The following CDH12 variants were observed in gnomAD, a reference collection of about 807,000 sequenced individuals.
CDH12 encodes the protein cadherin 12.
Under a neutral mutation model 74.1 loss-of-function variants are expected in CDH12, and 41 were observed. The observed-to-expected ratio is 0.55, with a 90% CI of 0.43 to 0.72. CDH12 has a LOEUF of 0.72. Among genes scored for constraint, CDH12 ranks in the 30% least tolerant of loss-of-function variants. The pLI, the probability that CDH12 is intolerant of heterozygous loss-of-function variation, is 0.00. For missense variants in CDH12, 945 were observed against 977.2 expected (o/e 0.97, Z 0.44); for synonymous variants, 399 against 355.0 (o/e 1.12, Z -1.39).
chr5:21,887,206 T>C (rs181012709), intron 6 of CDH12, among the ~76,000 whole-genome samples: 1 of 152,200 alleles, frequency 6.6e-6, no homozygotes, highest in South Asian at 2.1e-4. Context: ...TCCCTGATGA[T>C]AATTCTTTGA....
intron 2 of CDH12, among the ~76,000 whole-genome samples, chr5:22,415,083 G>A (rs934310937): frequency 6.6e-6 from 1 of 152,018 alleles, no homozygotes; most frequent in African/African-American, 2.4e-5. Flanking sequence ...TTGCAGATTA[G>A]CATGAAAGCA....
intron 6 of CDH12, among the ~76,000 whole-genome samples, chr5:21,889,080 G>A (rs1286748034): frequency 6.6e-6 from 1 of 151,882 alleles, no homozygotes; most frequent in African/African-American, 2.4e-5. Context: ...TATATTTTAG[G>A]TGCTATTCAT....
chr5:21,977,581 A>G (rs1175718991), intron 5 of CDH12, among the ~76,000 whole-genome samples: 1 of 152,154 alleles, frequency 6.6e-6, no homozygotes, highest in Non-Finnish European at 1.5e-5. Flanking sequence ...TTTTAAAAAG[A>G]AAAAAGAAAA....
intron 1 of CDH12, among the ~76,000 whole-genome samples, chr5:22,516,389 T>G (rs1187750071): frequency 6.6e-6 from 1 of 152,210 alleles, no homozygotes; most frequent in Non-Finnish European, 1.5e-5. Flanking sequence ...AATAAAATTA[T>G]GAAAACATAA....
intron 4 of CDH12, among the ~76,000 whole-genome samples, chr5:22,097,591 C>T (rs1159840070): frequency 6.6e-6 from 1 of 152,052 alleles, no homozygotes; most frequent in African/African-American, 2.4e-5. Context: ...GCCCAGTTCC[C>T]TTATTAGGCT....
chr5:22,349,371 A>T (rs967295639), intron 3 of CDH12, among the ~76,000 whole-genome samples: 5 of 152,104 alleles, frequency 3.3e-5, no homozygotes, highest in Admixed American at 6.5e-5. Context: ...TTATACCTAA[A>T]TTTTTATCAA....
intron 3 of CDH12, among the ~76,000 whole-genome samples, chr5:22,297,066 G>A (rs1737660181): frequency 6.6e-6 from 1 of 152,084 alleles, no homozygotes; most frequent in South Asian, 2.1e-4. Context: ...TTGTTGCCCA[G>A]GCTGGAGTGC....
intron 4 of CDH12, among the ~76,000 whole-genome samples, chr5:22,119,749 A>T (rs1170668492): frequency 6.6e-6 from 1 of 152,122 alleles, no homozygotes; most frequent in Non-Finnish European, 1.5e-5. Context: ...ATTCACACAA[A>T]GTAGTGTCAT....
At chr5:21,939,806 T>C (rs1441524418) in intron 6 of CDH12, among the ~76,000 whole-genome samples, 1 of 152,212 alleles carries the variant, frequency 6.6e-6, no homozygotes, top group Non-Finnish European at 1.5e-5. Flanking sequence ...TCTTTGGACA[T>C]GCTTTGGCAG....
chr5:22,622,681 T>G (rs988975053), intron 1 of CDH12, among the ~76,000 whole-genome samples: 1 of 139,304 alleles, frequency 7.2e-6, no homozygotes, highest in African/African-American at 2.6e-5. Flanking sequence ...CAATAATTAG[T>G]AGCCTACCAC....
chr5:22,283,839 C>T (rs1307128377), intron 3 of CDH12, among the ~76,000 whole-genome samples: 9 of 152,068 alleles, frequency 5.9e-5, no homozygotes, highest in Non-Finnish European at 4.4e-5. Flanking sequence ...AATCATTTCA[C>T]AATGTATGTG....
intron 1 of CDH12, among the ~76,000 whole-genome samples, chr5:22,642,384 CA>C (rs1234097039): frequency 1.3e-5 from 2 of 152,182 alleles, no homozygotes; most frequent in Non-Finnish European, 2.9e-5. Flanking sequence ...CTTTCTGCTT[CA>C]TTTGGTCTGA....
intron 3 of CDH12, among the ~76,000 whole-genome samples, chr5:22,231,095 C>A (rs1191639556): frequency 2.0e-5 from 3 of 152,214 alleles, no homozygotes; most frequent in South Asian, 2.1e-4. Flanking sequence ...AAAAATAGAA[C>A]CTATTTTATG....
intron 1 of CDH12, among the ~76,000 whole-genome samples, chr5:22,536,640 C>T (rs988184498): frequency 6.6e-6 from 1 of 152,184 alleles, no homozygotes; most frequent in African/African-American, 2.4e-5. Flanking sequence ...GATACTCCAT[C>T]TTTCTTACAA....
chr5:22,555,731 A>T, intron 1 of CDH12, among the ~76,000 whole-genome samples: 1 of 151,944 alleles, frequency 6.6e-6, no homozygotes. Flanking sequence ...TTCCTTAAGG[A>T]TTTATTTATT....
chr5:22,317,582 C>T (rs368069933), intron 3 of CDH12, among the ~76,000 whole-genome samples: 3 of 152,024 alleles, frequency 2.0e-5, no homozygotes, highest in East Asian at 1.9e-4. Context: ...AAACTGAATA[C>T]GCAGTTCCTG....
chr5:22,443,218 C>G (rs567898938), intron 2 of CDH12, among the ~76,000 whole-genome samples: 1 of 152,096 alleles, frequency 6.6e-6, no homozygotes, highest in Non-Finnish European at 1.5e-5. Context: ...GTGTGATTTG[C>G]TTCCTACTCC....
At chr5:22,759,150 C>T (rs993822979) in intron 1 of CDH12, among the ~76,000 whole-genome samples, 3 of 151,754 alleles carry the variant, frequency 2.0e-5, no homozygotes, top group African/African-American at 7.3e-5. Flanking sequence ...GGACTTCTGA[C>T]TTGTGATTCA....
intron 1 of CDH12, among the ~76,000 whole-genome samples, chr5:22,647,871 T>C (rs1214935544): frequency 1.3e-5 from 2 of 151,930 alleles, no homozygotes; most frequent in East Asian, 3.9e-4. Context: ...CACATTTCCA[T>C]GGAAAGTATC....
Sources: allele counts gnomAD v4.1 joint callset (sites outside exome capture counted in the v4.1 genomes callset), GRCh38; gene constraint gnomAD v4.1.1; transcripts MANE v1.5; gene names NCBI Gene and HGNC (gene_info 2026-07-23, HGNC 2026-07-21).